Variants in ADGRA1 observed in about 807,000 individuals in gnomAD.
The protein encoded by ADGRA1 is G-protein coupled receptor 123.
A neutral mutation model predicts 21.3 loss-of-function variants in ADGRA1; 12 were observed. The ratio of observed to expected loss-of-function variants is 0.56; its 90% confidence interval spans 0.36 to 0.91. The LOEUF (loss-of-function observed/expected upper bound fraction) is 0.91. ADGRA1 is among the 40% of genes least tolerant of loss of function. The pLI, the probability that ADGRA1 is intolerant of heterozygous loss-of-function variation, is 0.01. For synonymous variants in ADGRA1, 385 were observed against 368.8 expected (o/e 1.04, Z -0.50); for missense variants, 790 against 805.6 (o/e 0.98, Z 0.23).
Position 133,128,831 on chromosome 10 carries a change from G to C in ADGRA1, c.1003G>C (p.Gly335Arg). Residue 335 changes from glycine to arginine, a missense_variant, in exon 7 of 7, where the codon GGG becomes CGG. Transcript: ENST00000392607. The stretch of plus-strand genomic sequence containing the variant: ...CGCCCACCCCGCACTTGACGCCAAC[G>C]GGGCCGCGCTGGGCCGCGCCGCCTG... ...KDAHPALDANGAALGRAACLH... is the reference protein window; with the variant it reads ...KDAHPALDANRAALGRAACLH... The C allele has an allele frequency of 6.3e-7, 1 of 1,599,292 alleles. No homozygotes were observed. The highest frequency in any genetic ancestry group is 8.5e-7 in the Non-Finnish European group (1 of 1,175,000).
chr10:133,107,952 A>G (rs1010231481), intron 5 of ADGRA1, among the ~76,000 whole-genome samples: 6 of 152,148 alleles, frequency 3.9e-5, no homozygotes, highest in Non-Finnish European at 8.8e-5. Context: ...ACATTTTTTC[A>G]TTTCTTTTCT....
chr10:133,122,704 C>T (rs1266807539), intron 5 of ADGRA1, among the ~76,000 whole-genome samples: 6 of 152,324 alleles, frequency 3.9e-5, no homozygotes, highest in Admixed American at 1.3e-4. Flanking sequence ...TCACGACCCG[C>T]GGGGCAGAAG....
chr10:133,089,940 C>T (rs1851570489), intron 2 of ADGRA1, among the ~76,000 whole-genome samples: 1 of 152,154 alleles, frequency 6.6e-6, no homozygotes, highest in Non-Finnish European at 1.5e-5. Flanking sequence ...CCTGCCTGCC[C>T]CCAGGCTCCC....
intron 2 of ADGRA1, among the ~76,000 whole-genome samples, chr10:133,096,539 G>C (rs1364950912): frequency 6.6e-6 from 1 of 152,270 alleles, no homozygotes; most frequent in African/African-American, 2.4e-5. Flanking sequence ...GTTTCGATGA[G>C]TGTGGGGCTC....
chr10:133,106,496 T>C (rs1376738677), intron 5 of ADGRA1, among the ~76,000 whole-genome samples: 1 of 152,216 alleles, frequency 6.6e-6, no homozygotes, highest in African/African-American at 2.4e-5. Context: ...TGCCAGGATC[T>C]GGTCATCTCC....
chr10:133,116,095 G>A (rs907810004), intron 5 of ADGRA1, among the ~76,000 whole-genome samples: 1 of 151,836 alleles, frequency 6.6e-6, no homozygotes, highest in Non-Finnish European at 1.5e-5. Context: ...CGCATGCCTG[G>A]CCCACCCACG....
chr10:133,122,994 G>A (rs1852303113), intron 5 of ADGRA1, among the ~76,000 whole-genome samples: 1 of 152,222 alleles, frequency 6.6e-6, no homozygotes, highest in Non-Finnish European at 1.5e-5. Context: ...CGGTAGCTGG[G>A]GCTCCCCATG....
At chr10:133,116,834 C>T (rs934298727) in intron 5 of ADGRA1, among the ~76,000 whole-genome samples, 5 of 152,206 alleles carry the variant, frequency 3.3e-5, no homozygotes, top group African/African-American at 4.8e-5. Context: ...GGTGGGCAGG[C>T]GCCTCGAGCA....
chr10:133,117,354 G>A (rs903738025), intron 5 of ADGRA1, among the ~76,000 whole-genome samples: 3 of 152,158 alleles, frequency 2.0e-5, no homozygotes, highest in Non-Finnish European at 2.9e-5. Context: ...GTGAGTGCCC[G>A]GGGTGCCCAG....
intron 2 of ADGRA1, 61 bp from the exon 3 acceptor site, chr10:133,096,913 A>G: frequency 6.4e-7 from 1 of 1,563,336 alleles, no homozygotes. Context: ...GGCTCAGGCG[A>G]CGGCGCCGCC....
At position 133,097,082 on chromosome 10, in the gene ADGRA1, A is replaced by C. The variant is rs1203167037; in HGVS notation, c.112A>C (p.Thr38Pro). The C allele has an allele frequency of 6.2e-7, 1 of 1,606,494 alleles. No homozygotes were observed. The highest frequency in any genetic ancestry group is 8.5e-7 in the Non-Finnish European group (1 of 1,179,946). ...GCTCTGCCTCCTGGCCTCCTTCGTC[A>C]CCTACATCGTGCACCAGAGGTGAGC... is the stretch of plus-strand genomic sequence containing the variant. ...MLLCLLASFV[T>P]YIVHQSAIRI... Residue 38 changes from threonine (T) to proline (P), a missense_variant, in exon 3 of 7, where the codon ACC (threonine) becomes CCC (proline). Physicochemically the swap from Thr to Pro is conservative, Grantham distance 38 (BLOSUM62 -1). Coordinates refer to ENST00000392607, the MANE Select transcript of ADGRA1 (RefSeq NM_001083909.3).
intron 2 of ADGRA1, among the ~76,000 whole-genome samples, chr10:133,089,580 T>G (rs1260278081): frequency 6.6e-6 from 1 of 152,200 alleles, no homozygotes; most frequent in Non-Finnish European, 1.5e-5. Context: ...GCATTGTGTG[T>G]GCTGGTAAGG....
chr10:133,111,892 G>GGC (rs1852025577), intron 5 of ADGRA1, among the ~76,000 whole-genome samples: 3 of 114,904 alleles, frequency 2.6e-5, no homozygotes, highest in South Asian at 2.8e-4. Context: ...GCCCACCACA[G>GGC]ACACCTCCCT....
rs761180491 is a variant in ADGRA1, at chr10:133,128,799, G to T, written c.971G>T (p.Arg324Leu). 6.2e-7 allele frequency: 1 copy of T among 1,608,336 alleles called. No individual in the cohort carries two copies. Among genetic ancestry groups the T allele is most frequent in the Admixed American group, 1.7e-5 (1 of 59,838 alleles). The change falls in exon 7 of 7, where the codon CGC becomes CTC. Residue 324 changes from arginine (R) to leucine (L), a missense_variant. Around this residue, in one of 3 missense-constraint regions of ADGRA1, gnomAD observed 391 missense variants for 351.5 expected, o/e 1.11. Coordinates refer to ENST00000392607, the MANE Select transcript of ADGRA1 (RefSeq NM_001083909.3). The stretch of plus-strand genomic sequence containing the variant: ...TGCTGGTGGGCATGCTGCCCGCCCC[G>T]CAAGGACGCCCACCCCGCACTTGAC... Reference protein sequence around the residue: ...WQCWWACCPPRKDAHPALDAN... With the variant: ...WQCWWACCPPLKDAHPALDAN...
At position 133,130,724 on chromosome 10, in the gene ADGRA1, A is replaced by G. The variant is rs929121076; in HGVS notation, c.*1213A>G. The G allele has an allele frequency of 2.0e-5, 3 of 152,094 alleles. No individual in the cohort carries two copies. The highest frequency in any genetic ancestry group is 7.3e-5 in the African/African-American group (3 of 41,352). The allele number at this position is 152,094 out of a possible 1,614,324, so 9.4% of individuals were successfully genotyped here. ...ACACATGTGCATATCACACACGCGC[A>G]CACACCCAAACACGTGCATATCACA... On this transcript the variant is annotated 3_prime_UTR_variant, in exon 7 of 7. Transcript: ENST00000392607.
In ADGRA1 at chr10:133,102,749, T is replaced by TGACC; in HGVS notation, c.310_313dup (p.Ala105AspfsTer208). On this transcript the variant is annotated frameshift_variant, in exon 5 of 7. Coordinates refer to ENST00000392607, the MANE Select transcript of ADGRA1 (RefSeq NM_001083909.3). LOFTEE classifies it high-confidence loss of function. ...CTGTCCACCATGCTGTGGATAGGAG[T>TGACC]GACCGCCAGGAACATCTACAAGCAG... 6.2e-7 allele frequency: 1 copy of TGACC among 1,612,544 alleles called. No individual in the cohort carries two copies. The highest frequency in any genetic ancestry group is 8.5e-7 in the Non-Finnish European group (1 of 1,179,778).
intron 5 of ADGRA1, among the ~76,000 whole-genome samples, chr10:133,111,004 C>T (rs1380234648): frequency 6.6e-6 from 1 of 152,108 alleles, no homozygotes; most frequent in East Asian, 1.9e-4. Flanking sequence ...GGAAATGTGG[C>T]TGAACTGGGG....
chr10:133,121,445 G>A lies in ADGRA1; in HGVS notation c.402-5788G>A, dbSNP rs199808648. On this transcript the variant is annotated intron_variant, in intron 5 of 6. Coordinates refer to ENST00000392607, the MANE Select transcript of ADGRA1 (RefSeq NM_001083909.3). The stretch of plus-strand genomic sequence containing the variant: ...GTGGTGTGTCAGTGTGCGTGTGTGC[G>A]TGTGCGTGGAGTGTGTCAGTGTGCG... Among the ~76,000 whole-genome samples, 429 of 149,186 alleles carry A rather than the reference G, an allele frequency of 2.9e-3. 3 individuals carry two copies. The highest frequency in any genetic ancestry group is 4.4e-3 in the African/African-American group (178 of 40,486).
At chr10:133,094,402 C>T (rs1851653055) in intron 2 of ADGRA1, among the ~76,000 whole-genome samples, 1 of 152,224 alleles carries the variant, frequency 6.6e-6, no homozygotes, top group Non-Finnish European at 1.5e-5. Context: ...GACATCAGGG[C>T]ACACACTTTC....
Sources: gnomAD v4.1 joint callset for allele counts (sites outside exome capture counted in the v4.1 genomes callset) on GRCh38, gnomAD v4.1.1 for gene constraint, gnomAD v4.1.1 regional missense constraint, MANE v1.5 for transcripts, NCBI Gene and HGNC (gene_info 2026-07-23, HGNC 2026-07-21) for gene names.